GRM7: variants seen among roughly 807,000 people sequenced by gnomAD.
GRM7 encodes metabotropic glutamate receptor 7.
A neutral mutation model predicts 84.5 loss-of-function variants in GRM7; 35 were observed. The ratio of observed to expected loss-of-function variants is 0.41; its 90% CI spans 0.32 to 0.55. GRM7 has a LOEUF of 0.55. Ranked by LOEUF, GRM7 falls within the 20% of genes least tolerant of loss-of-function variation. The pLI is 0.19. For synonymous variants in GRM7, 487 were observed against 455.1 expected, an observed-to-expected ratio of 1.07 and a Z score of -0.89; for missense variants, 1,003 against 1,194.6, an observed-to-expected ratio of 0.84 and a Z score of 2.36.
rs1390414026 is a variant in GRM7, at chr3:7,578,990, G to A, written c.2084G>A (p.Arg695Lys). The A allele has an allele frequency of 1.2e-6, 2 of 1,613,956 alleles. No individual in the cohort carries two copies. The highest frequency in any genetic ancestry group is 1.1e-5 in the South Asian group (1 of 91,080). The change falls in exon 8 of 10, where the codon AGA becomes AAA. Residue 695 changes from arginine (R) to lysine (K), a missense_variant. Physicochemically the swap from Arg to Lys is conservative, Grantham distance 26. This residue lies in a region of GRM7 where 910 missense variants were observed against 1,126.0 expected (regional missense o/e 0.81). Transcript: ENST00000357716. ...EQGKKSVTAPRLISPTSQLAI... is the reference protein window; with the variant it reads ...EQGKKSVTAPKLISPTSQLAI... ...GGCAAGAAATCAGTAACAGCTCCCA[G>A]ACTCATAAGCCCAACATCACAACTG...
At chr3:7,169,523 T>C (rs1411674679) in intron 2 of GRM7, among the ~76,000 whole-genome samples, 1 of 152,194 alleles carries the variant, frequency 6.6e-6, no homozygotes, top group African/African-American at 2.4e-5. Context: ...GTGAAAATTA[T>C]ATCATTGAAT....
At chr3:7,399,295 C>T (rs1695348454) in intron 4 of GRM7, among the ~76,000 whole-genome samples, 1 of 152,016 alleles carries the variant, frequency 6.6e-6, no homozygotes, top group Admixed American at 6.6e-5. Flanking sequence ...TCAGTTTTTT[C>T]TTTATCAAGG....
chr3:6,894,009 T>G (rs1269447903), intron 1 of GRM7: 4 of 152,148 alleles, frequency 2.6e-5, no homozygotes, highest in Non-Finnish European at 5.9e-5. Context: ...ATGTCAGTCT[T>G]GAGTGCAAAC....
At chr3:7,536,991 C>T (rs1165562128) in intron 7 of GRM7, among the ~76,000 whole-genome samples, 5 of 152,140 alleles carry the variant, frequency 3.3e-5, no homozygotes, top group African/African-American at 9.7e-5. Flanking sequence ...TGAAATGTTG[C>T]TTCCATGGGC....
chr3:7,684,622 T>C (rs1700506792), intron 9 of GRM7, among the ~76,000 whole-genome samples: 1 of 152,222 alleles, frequency 6.6e-6, no homozygotes, highest in African/African-American at 2.4e-5. Flanking sequence ...TACTACCATA[T>C]TTTTTCCTCA....
intron 7 of GRM7, among the ~76,000 whole-genome samples, chr3:7,496,752 C>T (rs540322099): frequency 2.0e-5 from 3 of 151,264 alleles, no homozygotes; most frequent in Non-Finnish European, 2.9e-5. Flanking sequence ...GCAACTGCAT[C>T]GAATTAAGAA....
intron 8 of GRM7, among the ~76,000 whole-genome samples, chr3:7,648,785 C>T (rs1698784412): frequency 6.6e-6 from 1 of 152,168 alleles, no homozygotes; most frequent in South Asian, 2.1e-4. Flanking sequence ...TGCTGTCTTC[C>T]AAGGTGACAG....
At chr3:7,517,515 C>T (rs1248487565) in intron 7 of GRM7, among the ~76,000 whole-genome samples, 2 of 152,116 alleles carry the variant, frequency 1.3e-5, no homozygotes, top group African/African-American at 4.8e-5. Flanking sequence ...GCCTCCGCCT[C>T]TCGAGTAGCT....
At chr3:6,978,270 C>T (rs1232534054) in intron 1 of GRM7, among the ~76,000 whole-genome samples, 1 of 151,998 alleles carries the variant, frequency 6.6e-6, no homozygotes, top group Non-Finnish European at 1.5e-5. Flanking sequence ...GCTCCTGGAG[C>T]CACCAGAAGC....
At chr3:7,398,837 C>A (rs998546929) in intron 4 of GRM7, among the ~76,000 whole-genome samples, 1 of 151,998 alleles carries the variant, frequency 6.6e-6, no homozygotes, top group South Asian at 2.1e-4. Flanking sequence ...ATGAAGCCAA[C>A]CCTGGTTGTT....
chr3:6,954,837 A>G (rs1369010136), intron 1 of GRM7, among the ~76,000 whole-genome samples: 2 of 152,224 alleles, frequency 1.3e-5, no homozygotes, highest in African/African-American at 4.8e-5. Context: ...TATAATTAAT[A>G]TGATTATAAA....
intron 4 of GRM7, among the ~76,000 whole-genome samples, chr3:7,388,770 G>A (rs1371681509): frequency 2.6e-5 from 4 of 151,800 alleles, no homozygotes; most frequent in South Asian, 4.2e-4. Flanking sequence ...TTCTTTGTGT[G>A]CTTTTTGAGT....
chr3:7,300,273 C>T (rs1280194129), intron 3 of GRM7, among the ~76,000 whole-genome samples: 3 of 152,160 alleles, frequency 2.0e-5, no homozygotes, highest in African/African-American at 7.2e-5. Flanking sequence ...GTCTTTACCA[C>T]CAGCGTCTCA....
At chr3:7,498,544 T>A (rs1699780637) in intron 7 of GRM7, among the ~76,000 whole-genome samples, 2 of 152,160 alleles carry the variant, frequency 1.3e-5, no homozygotes, top group Admixed American at 1.3e-4. Flanking sequence ...TAGGGTTGAA[T>A]CCGGATTCTG....
intron 2 of GRM7, among the ~76,000 whole-genome samples, chr3:7,280,777 G>A (rs769123551): frequency 1.3e-5 from 2 of 152,126 alleles, no homozygotes; most frequent in Admixed American, 6.5e-5. Context: ...GATATGTTTC[G>A]AGTTAATCCT....
chr3:7,147,569 G>A (rs1235285599), intron 2 of GRM7, among the ~76,000 whole-genome samples: 1 of 152,138 alleles, frequency 6.6e-6, no homozygotes, highest in Non-Finnish European at 1.5e-5. Context: ...CATGTTATGA[G>A]GAAAGATGTC....
chr3:7,256,632 T>C (rs1053036374), intron 2 of GRM7, among the ~76,000 whole-genome samples: 1 of 142,206 alleles, frequency 7.0e-6, no homozygotes, highest in East Asian at 1.9e-4. Context: ...CACACACACA[T>C]GCACACACAC....
At chr3:7,036,001 T>C (rs747040622) in intron 1 of GRM7, among the ~76,000 whole-genome samples, 2 of 152,226 alleles carry the variant, frequency 1.3e-5, no homozygotes, top group Non-Finnish European at 2.9e-5. Flanking sequence ...GATAGTGTTT[T>C]TATTACTCCC....
intron 6 of GRM7, among the ~76,000 whole-genome samples, chr3:7,461,160 ATTTG>A (rs1271752781): frequency 7.2e-5 from 11 of 152,048 alleles, no homozygotes; most frequent in Non-Finnish European, 1.6e-4. Flanking sequence ...TTTAACATTA[ATTTG>A]TTGTTTTTGA....
Sources: allele counts gnomAD v4.1 joint callset (sites outside exome capture counted in the v4.1 genomes callset), GRCh38; gene constraint gnomAD v4.1.1; regional missense constraint gnomAD v4.1.1; transcripts MANE v1.5; gene names NCBI Gene and HGNC (gene_info 2026-07-23, HGNC 2026-07-21).